The following CDKN2C variants were observed in gnomAD, a reference collection of about 807,000 sequenced individuals.
CDKN2C encodes cyclin dependent kinase inhibitor 2C.
Under a neutral mutation model 11.0 loss-of-function variants are expected in CDKN2C, and 5 were observed. The ratio of observed to expected loss-of-function variants is 0.45; its 90% CI spans 0.24 to 0.95. The LOEUF is 0.95. Among genes scored for constraint, CDKN2C ranks in the 40% least tolerant of loss-of-function variants. CDKN2C has a pLI of 0.21. For synonymous variants in CDKN2C, 79 were observed against 88.3 expected, an observed-to-expected ratio of 0.89 and a Z score of 0.59; for missense variants, 161 against 211.9, an observed-to-expected ratio of 0.76 and a Z score of 1.49.
At chr1:50,968,595 C>G (rs1010604857), upstream of CDKN2C, 1 of 152,238 alleles carries the variant, frequency 6.6e-6, no homozygotes, top group African/African-American at 2.4e-5. Context: ...GGGCGCGGGA[C>G]CGGGCGGGCG....
At chr1:50,973,638 T>C (rs531656928) in intron 1 of CDKN2C, among the ~76,000 whole-genome samples, 26 of 152,314 alleles carry the variant, frequency 1.7e-4, no homozygotes, top group African/African-American at 6.0e-4. Flanking sequence ...AATTCTATCT[T>C]ATTGATCAAT....
At chr1:50,963,208 A>G (rs1416845572) in intron 1 of CDKN2C, among the ~76,000 whole-genome samples, 1 of 152,172 alleles carries the variant, frequency 6.6e-6, no homozygotes, top group Non-Finnish European at 1.5e-5. Flanking sequence ...TAAATTTTGT[A>G]ATTTTTTTCT....
At chr1:50,969,257 AG>A (rs1645366120), upstream of CDKN2C, 1 of 153,662 alleles carries the variant, frequency 6.5e-6, no homozygotes, top group South Asian at 2.1e-4. This position sits in a 1 kb window ranked among gnomAD's most constrained non-coding sequence, Gnocchi z 6.6. Flanking sequence ...AAACCGGGAA[AG>A]GAAGGAAAGG....
rs1645394043 is a variant in CDKN2C, at chr1:50,974,078, G to A, written c.315G>A (p.Leu105=). Reference sequence around the variant, plus strand: ...ACATCGAGGATAATGAAGGGAACCTGCCCTTGCACTTGGCTGCCAAAGAAG... The same window carrying A: ...ACATCGAGGATAATGAAGGGAACCTACCCTTGCACTTGGCTGCCAAAGAAG... ...DVNIEDNEGN[L]PLHLAAKEGH... is the part of the protein sequence containing the mutation. The change falls in exon 2 of 2, where the codon CTG becomes CTA. Residue 105 remains leucine, a synonymous_variant. Transcript: ENST00000371761. The A allele has an allele frequency of 1.9e-6, 3 of 1,614,188 alleles. No individual in the cohort carries two copies. Among genetic ancestry groups the A allele is most frequent in the Admixed American group, 1.7e-5 (1 of 60,034 alleles).
chr1:50,973,593 AC>A (rs1289834925), intron 1 of CDKN2C, among the ~76,000 whole-genome samples: 1 of 152,244 alleles, frequency 6.6e-6, no homozygotes, highest in Non-Finnish European at 1.5e-5. Flanking sequence ...AACATAGAGA[AC>A]AGAATTGTTA....
At chr1:50,971,165 T>C (rs1645377595) in intron 1 of CDKN2C, among the ~76,000 whole-genome samples, 1 of 152,240 alleles carries the variant, frequency 6.6e-6, no homozygotes, top group Admixed American at 6.5e-5. Context: ...AGTAATTAGA[T>C]TTACAGGCAA....
At chr1:50,963,616 G>A (rs1645335194) in intron 1 of CDKN2C, among the ~76,000 whole-genome samples, 1 of 152,134 alleles carries the variant, frequency 6.6e-6, no homozygotes, top group Admixed American at 6.5e-5. Flanking sequence ...CATTCCCAAA[G>A]ACACTGTTTC....
chr1:50,974,175 G>A lies in CDKN2C; in HGVS notation c.412G>A (p.Asp138Asn), dbSNP rs1297989432. The change falls in exon 2 of 2, where the codon GAC (aspartate) becomes AAC (asparagine). Residue 138 changes from aspartate to asparagine, a missense_variant. Coordinates refer to ENST00000371761, the MANE Select transcript of CDKN2C (RefSeq NM_078626.3). Reference sequence around the variant, plus strand: ...TGTGGGGCATCGGAACCATAAGGGGGACACCGCCTGTGATTTGGCCAGGCT... The same window carrying A: ...TGTGGGGCATCGGAACCATAAGGGGAACACCGCCTGTGATTTGGCCAGGCT... ...SNVGHRNHKGDTACDLARLYG... is the reference protein window; with the variant it reads ...SNVGHRNHKGNTACDLARLYG... 1.9e-6 allele frequency: 3 copies of A among 1,613,428 alleles called. No homozygotes were observed. Among genetic ancestry groups the A allele is most frequent in the African/African-American group, 1.3e-5 (1 of 74,914 alleles).
At chr1:50,961,379 T>C (rs1645321717) in intron 1 of CDKN2C, among the ~76,000 whole-genome samples, 1 of 152,182 alleles carries the variant, frequency 6.6e-6, no homozygotes, top group Non-Finnish European at 1.5e-5. Context: ...ATTCACCAAA[T>C]ATTGAAAGTT....
At chr1:50,972,661 T>C (rs1007590907) in intron 1 of CDKN2C, among the ~76,000 whole-genome samples, 7 of 152,168 alleles carry the variant, frequency 4.6e-5, no homozygotes, top group Admixed American at 2.0e-4. Flanking sequence ...AAATTATATG[T>C]ATTTTATATT....
chr1:50,963,915 C>T (rs541661660), intron 1 of CDKN2C, among the ~76,000 whole-genome samples: 2 of 152,118 alleles, frequency 1.3e-5, no homozygotes, highest in South Asian at 2.1e-4. Context: ...AAGTTAAATA[C>T]AGATCTTTTT....
At chr1:50,961,934 T>G (rs955430605) in intron 1 of CDKN2C, among the ~76,000 whole-genome samples, 8 of 152,278 alleles carry the variant, frequency 5.3e-5, no homozygotes, top group African/African-American at 1.9e-4. Context: ...CACTGTATTA[T>G]GATCTGAGTT....
chr1:50,971,851 A>G (rs910459697), intron 1 of CDKN2C, among the ~76,000 whole-genome samples: 12 of 152,186 alleles, frequency 7.9e-5, no homozygotes, highest in Non-Finnish European at 5.9e-5. Flanking sequence ...TATATTAAAC[A>G]TACTTATCAA....
chr1:50,969,502 C>G (rs973392449), upstream of CDKN2C: 2 of 152,032 alleles, frequency 1.3e-5, no homozygotes, highest in African/African-American at 4.8e-5. This position sits in a 1 kb window ranked among gnomAD's most constrained non-coding sequence, Gnocchi z 6.6. Context: ...CGCCGCACGC[C>G]CGGCAGCCTC....
chr1:50,965,167 T>G (rs1645342000), intron 1 of CDKN2C, among the ~76,000 whole-genome samples: 1 of 152,092 alleles, frequency 6.6e-6, no homozygotes, highest in Non-Finnish European at 1.5e-5. Flanking sequence ...TTTCAGCTTT[T>G]GGGTTGCTTA....
At chr1:50,973,444 C>T (rs1645390678) in intron 1 of CDKN2C, among the ~76,000 whole-genome samples, 1 of 152,072 alleles carries the variant, frequency 6.6e-6, no homozygotes, top group Non-Finnish European at 1.5e-5. Context: ...AAAGTTTAAC[C>T]ACATATGATT....
At chr1:50,972,533 A>G (rs1365057126) in intron 1 of CDKN2C, among the ~76,000 whole-genome samples, 1 of 152,116 alleles carries the variant, frequency 6.6e-6, no homozygotes, top group Non-Finnish European at 1.5e-5. Context: ...TTGAGTGTCT[A>G]TTATACAAGA....
chr1:50,974,140 C>G lies in CDKN2C; in HGVS notation c.377C>G (p.Thr126Arg). ...GTGGTGGAGTTCCTGGTGAAGCACA[C>G]GGCCAGCAATGTGGGGCATCGGAAC... The part of the protein sequence containing the change: ...LRVVEFLVKH[T>R]ASNVGHRNHK... Residue 126 changes from threonine to arginine, a missense_variant, in exon 2 of 2, where the codon ACG (threonine) becomes AGG (arginine). Physicochemically the swap from Thr to Arg is moderately conservative, Grantham distance 71. Coordinates refer to ENST00000371761, the MANE Select transcript of CDKN2C (RefSeq NM_078626.3). 1 of 1,614,144 alleles carries G rather than the reference C, an allele frequency of 6.2e-7. No individual in the cohort carries two copies. Among genetic ancestry groups the G allele is most frequent in the Non-Finnish European group, 8.5e-7 (1 of 1,180,020 alleles).
intron 1 of CDKN2C, among the ~76,000 whole-genome samples, chr1:50,961,447 C>T (rs1260090455): frequency 1.3e-5 from 2 of 152,192 alleles, no homozygotes; most frequent in African/African-American, 4.8e-5. Context: ...AGACTATGTA[C>T]AATGAAGTGT....
Sources: gnomAD v4.1 joint callset for allele counts (sites outside exome capture counted in the v4.1 genomes callset) on GRCh38, gnomAD v4.1.1 for gene constraint, Gnocchi (gnomAD v3.1) non-coding constraint, MANE v1.5 for transcripts, NCBI Gene and HGNC (gene_info 2026-07-23, HGNC 2026-07-21) for gene names.